The following EML6 variants were observed in gnomAD, a reference collection of about 807,000 sequenced individuals.
EML6 encodes the protein echinoderm microtubule-associated protein-like 6.
EML6 carries 154 observed loss-of-function variants against 240.1 expected under a neutral mutation model. The observed-to-expected ratio is 0.64, with a 90% CI of 0.56 to 0.73. The LOEUF (loss-of-function observed/expected upper bound fraction) is 0.73. EML6 is among the 30% of genes least tolerant of loss of function. The pLI is 0.00. For missense variants in EML6, 2,964 were observed against 2,474.6 expected (o/e 1.20, Z -4.20); for synonymous variants, 1,148 against 899.0 (o/e 1.28, Z -4.95).
intron 2 of EML6, among the ~76,000 whole-genome samples, chr2:54,761,555 A>G (rs1018998726): frequency 3.9e-5 from 6 of 152,188 alleles, no homozygotes; most frequent in Admixed American, 3.3e-4. Flanking sequence ...AAAAGTGGAC[A>G]TTTATGAATC....
At chr2:54,884,889 T>C (rs546923229) in intron 17 of EML6, among the ~76,000 whole-genome samples, 16 of 152,330 alleles carry the variant, frequency 1.1e-4, no homozygotes, top group South Asian at 2.1e-4. Context: ...CAAGAAATCA[T>C]TGGGCTGGGC....
chr2:54,966,508 C>A (rs1188636176), intron 38 of EML6, among the ~76,000 whole-genome samples: 1 of 152,226 alleles, frequency 6.6e-6, no homozygotes, highest in Non-Finnish European at 1.5e-5. Context: ...AGGTTCTAGA[C>A]ACCTCAGAGA....
chr2:54,945,405 T>G (rs1475379467), intron 28 of EML6, among the ~76,000 whole-genome samples: 1 of 151,800 alleles, frequency 6.6e-6, no homozygotes, highest in East Asian at 1.9e-4. Flanking sequence ...AAGGACACTT[T>G]GAACATTGTC....
chr2:54,729,625 C>T (rs1443620503), intron 2 of EML6, among the ~76,000 whole-genome samples: 2 of 152,116 alleles, frequency 1.3e-5, no homozygotes, highest in Non-Finnish European at 2.9e-5. Context: ...GAATTGGAAC[C>T]CAGATTGGTC....
chr2:54,844,004 G>GTGTGTGTGTGTGTGTGTT, intron 7 of EML6, 43 bp from the exon 8 acceptor site: 1 of 1,137,906 alleles, frequency 8.8e-7, no homozygotes, highest in South Asian at 1.3e-5. Flanking sequence ...GTGTGTGTGT[G>GTGTGTGTGTGTGTGTGTT]AATAGTGTGA....
intron 28 of EML6, among the ~76,000 whole-genome samples, chr2:54,947,359 G>C (rs1438309383): frequency 2.0e-5 from 3 of 152,098 alleles, no homozygotes; most frequent in Non-Finnish European, 4.4e-5. Flanking sequence ...CGGGGGTGTC[G>C]TTTTGCAGAG....
At chr2:54,914,686 A>G (rs975518795) in intron 25 of EML6, among the ~76,000 whole-genome samples, 11 of 152,154 alleles carry the variant, frequency 7.2e-5, no homozygotes, top group Non-Finnish European at 1.5e-4. Context: ...TAGTGCCGCT[A>G]CTGAGAGCAT....
At chr2:54,829,210 C>T (rs949884047) in intron 6 of EML6, 132 bp from the exon 7 acceptor site, 7 of 718,004 alleles carry the variant, frequency 9.7e-6, no homozygotes, top group African/African-American at 7.1e-5. Context: ...CTATTGTCAG[C>T]ATTTCAATAG....
At chr2:54,955,285 TAGAC>T (rs1337175768) in intron 32 of EML6, among the ~76,000 whole-genome samples, 5 of 152,268 alleles carry the variant, frequency 3.3e-5, no homozygotes, top group South Asian at 4.1e-4. Context: ...TCTTAAATGA[TAGAC>T]AGAGAGCATC....
At chr2:54,791,798 A>G (rs1669471214) in intron 2 of EML6, among the ~76,000 whole-genome samples, 1 of 152,150 alleles carries the variant, frequency 6.6e-6, no homozygotes, top group Non-Finnish European at 1.5e-5. Flanking sequence ...CCTGGATTAT[A>G]CTACAAAGTA....
At chr2:54,962,465 A>C in intron 35 of EML6, 58 bp from the exon 36 acceptor site, 1 of 1,313,910 alleles carries the variant, frequency 7.6e-7, no homozygotes, top group South Asian at 1.6e-5. Context: ...TAGATACCTC[A>C]TATGAGTGCA....
At chr2:54,925,651 T>C (rs1285724940) in intron 26 of EML6, among the ~76,000 whole-genome samples, 6 of 152,220 alleles carry the variant, frequency 3.9e-5, no homozygotes, top group African/African-American at 1.4e-4. Context: ...AATTAGATCA[T>C]TAGTGCCCTG....
intron 11 of EML6, among the ~76,000 whole-genome samples, chr2:54,855,458 G>C (rs1670322058): frequency 4.0e-5 from 5 of 124,098 alleles, no homozygotes; most frequent in Non-Finnish European, 5.1e-5. Context: ...CTTCTACCAT[G>C]CCCCCCCCCC....
intron 11 of EML6, among the ~76,000 whole-genome samples, chr2:54,858,581 G>T (rs548894003): frequency 5.9e-5 from 9 of 152,206 alleles, no homozygotes; most frequent in Non-Finnish European, 1.3e-4. Context: ...AAGTAGGCAA[G>T]TTTGCTTTTG....
chr2:54,876,702 T>C (rs569228316), intron 16 of EML6, among the ~76,000 whole-genome samples: 2 of 152,346 alleles, frequency 1.3e-5, no homozygotes, highest in Non-Finnish European at 2.9e-5. Flanking sequence ...TTTAAAAATC[T>C]GTTTATAATT....
intron 2 of EML6, among the ~76,000 whole-genome samples, chr2:54,751,582 G>A (rs1029812304): frequency 2.0e-5 from 3 of 152,066 alleles, no homozygotes; most frequent in East Asian, 1.9e-4. Flanking sequence ...GTAATACCCC[G>A]TCCCCTCAAC....
At chr2:54,789,513 C>CAAAAAAAAAAAAAAAAAA (rs576842183) in intron 2 of EML6, among the ~76,000 whole-genome samples, 1 of 77,898 alleles carries the variant, frequency 1.3e-5, no homozygotes, top group African/African-American at 4.5e-5. Context: ...GACTTCGTCT[C>CAAAAAAAAAAAAAAAAAA]AAAAAAAAAA....
chr2:54,823,763 C>T (rs535988276), intron 5 of EML6, among the ~76,000 whole-genome samples: 1 of 152,010 alleles, frequency 6.6e-6, no homozygotes, highest in East Asian at 1.9e-4. Flanking sequence ...AGGTGGGAAT[C>T]TGACTTTGAT....
rs994896053 is a variant in EML6 at position 54,954,167 on chromosome 2, A to C, written c.4486+11A>C. 1.3e-6 allele frequency: 2 copies of C among 1,548,958 alleles called. No individual in the cohort carries two copies. The highest frequency in any genetic ancestry group is 2.7e-5 in the African/African-American group (2 of 72,976). Reference sequence around the variant, plus strand: ...GGCGATGGCAGGAAGGTAAACCAGCACTGGGCTTTCTGTCCCTCCAGGGTG... The same window carrying C: ...GGCGATGGCAGGAAGGTAAACCAGCCCTGGGCTTTCTGTCCCTCCAGGGTG... On this transcript the variant is annotated intron_variant, in intron 32 of 41. Coordinates refer to ENST00000356458, the MANE Select transcript of EML6 (RefSeq NM_001039753.4).
Sources: allele counts gnomAD v4.1 joint callset (sites outside exome capture counted in the v4.1 genomes callset), GRCh38; gene constraint gnomAD v4.1.1; transcripts MANE v1.5; gene names NCBI Gene and HGNC (gene_info 2026-07-23, HGNC 2026-07-21).